TENM3: variants seen among roughly 807,000 people sequenced by gnomAD.
The protein encoded by TENM3 is teneurin-3.
TENM3 carries 63 observed loss-of-function variants against 255.1 expected under a neutral mutation model. The observed-to-expected ratio is 0.25, with a 90% CI of 0.20 to 0.30. The LOEUF (loss-of-function observed/expected upper bound fraction) is 0.30. Among genes scored for constraint, TENM3 ranks in the 10% least tolerant of loss-of-function variants. The pLI is 1.00. For synonymous variants in TENM3, 1,306 were observed against 1,322.3 expected, an observed-to-expected ratio of 0.99 and a Z score of 0.27; for missense variants, 2,929 against 3,461.1, an observed-to-expected ratio of 0.85 and a Z score of 3.86.
the TENM3 span, among the ~76,000 whole-genome samples, chr4:181,996,113 C>T: frequency 6.7e-6 from 1 of 149,522 alleles, no homozygotes; most frequent in South Asian, 2.1e-4. Flanking sequence ...TGATCAAGCA[C>T]CTAGGATAGT....
chr4:181,537,916 TG>T, the TENM3 span, among the ~76,000 whole-genome samples: 1 of 152,228 alleles, frequency 6.6e-6, no homozygotes, highest in Non-Finnish European at 1.5e-5. Flanking sequence ...AATGTAAAAC[TG>T]CTTGAAATAT....
chr4:182,558,760 T>C (rs933119300), intron 3 of TENM3, among the ~76,000 whole-genome samples: 3 of 152,202 alleles, frequency 2.0e-5, no homozygotes, highest in Admixed American at 6.5e-5. Context: ...TCAGATCCCT[T>C]GTCCTGATTT....
At chr4:182,416,904 T>G (rs1561424334) in intron 3 of TENM3, among the ~76,000 whole-genome samples, 1 of 152,234 alleles carries the variant, frequency 6.6e-6, no homozygotes, top group Non-Finnish European at 1.5e-5. Flanking sequence ...TGATGTTTTG[T>G]CATTCAGCAT....
intron 12 of TENM3, among the ~76,000 whole-genome samples, chr4:182,702,892 A>G (rs1343453651): frequency 6.7e-6 from 1 of 148,766 alleles, no homozygotes; most frequent in East Asian, 1.9e-4. Flanking sequence ...GCCCACCACC[A>G]TGCCCGGCTA....
chr4:181,757,160 T>A, the TENM3 span, among the ~76,000 whole-genome samples: 1 of 152,300 alleles, frequency 6.6e-6, no homozygotes, highest in African/African-American at 2.4e-5. Flanking sequence ...GAAAAAAAAT[T>A]ACTTTACACC....
intron 3 of TENM3, among the ~76,000 whole-genome samples, chr4:182,578,433 G>A (rs914465657): frequency 6.6e-6 from 1 of 151,974 alleles, no homozygotes; most frequent in African/African-American, 2.4e-5. Flanking sequence ...AGCTCTACAA[G>A]GGCAGAGGTT....
Position 182,551,823 on chromosome 4 carries a change from C to T in TENM3, c.512-49101C>T, listed in dbSNP as rs189880948. Among the ~76,000 whole-genome samples the T allele has an allele frequency of 3.3e-5, 5 of 152,082 alleles. No individual in the cohort carries two copies. The East Asian group carries it at 9.7e-4, about 29-fold the overall frequency. On this transcript the variant is annotated intron_variant, in intron 3 of 27. Coordinates refer to ENST00000511685, the MANE Select transcript of TENM3 (RefSeq NM_001080477.4). Reference sequence around the variant, plus strand: ...ATCGCTTGAGGCCAGGAGTTTGAGACCACCCTTGGCAGCATAGTGAGACCC... The same window carrying T: ...ATCGCTTGAGGCCAGGAGTTTGAGATCACCCTTGGCAGCATAGTGAGACCC...
the TENM3 span, among the ~76,000 whole-genome samples, chr4:182,068,461 T>A: frequency 6.6e-6 from 1 of 152,038 alleles, no homozygotes; most frequent in Non-Finnish European, 1.5e-5. Context: ...ACATTGCTAC[T>A]ACTAAGCAAT....
At chr4:182,299,211 T>G (rs1273007487) in intron 1 of TENM3, among the ~76,000 whole-genome samples, 19 of 151,896 alleles carry the variant, frequency 1.3e-4, no homozygotes, top group Non-Finnish European at 8.8e-5. Flanking sequence ...TAACATCCAC[T>G]TTGTTGAAAA....
At chr4:182,355,885 T>G (rs2150736094) in intron 3 of TENM3, among the ~76,000 whole-genome samples, 1 of 150,596 alleles carries the variant, frequency 6.6e-6, no homozygotes, top group South Asian at 2.1e-4. Context: ...CAAGTTTCAG[T>G]AATTTATTAG....
chr4:182,598,758 A>G lies in TENM3; in HGVS notation c.512-2166A>G, dbSNP rs558902064. Among the ~76,000 whole-genome samples, 14 of 152,294 alleles carry G rather than the reference A, an allele frequency of 9.2e-5. No individual in the cohort carries two copies. The South Asian group carries it at 2.7e-3, about 29-fold the overall frequency. ...GATGAATAAATGAATGAGTGGGTGC[A>G]TTTCACTGAATCCTTACAATTGCAC... On this transcript the variant is annotated intron_variant, in intron 3 of 27. Coordinates refer to ENST00000511685, the MANE Select transcript of TENM3 (RefSeq NM_001080477.4).
Position 182,789,530 on chromosome 4 carries a change from A to G in TENM3, c.5601+141A>G. 1 of 822,958 alleles carries G rather than the reference A, an allele frequency of 1.2e-6. No homozygotes were observed. The highest frequency in any genetic ancestry group is 1.9e-6 in the Non-Finnish European group (1 of 532,976). 51.0% of individuals were successfully genotyped at this position (822,958 alleles called of 1,614,324 possible). A position where few individuals can be genotyped will look rare whatever the true frequency, so the allele number is the denominator to read the frequency against. ...TTCGAAGTATCAATACGGAAGTCAC[A>G]TTGGCACAGCAGTGATGAATTTCTG... On this transcript the variant is annotated intron_variant, in intron 25 of 27. Coordinates refer to ENST00000511685, the MANE Select transcript of TENM3 (RefSeq NM_001080477.4). The surrounding 1 kb of genome is among the most constrained non-coding windows in gnomAD (Gnocchi z 4.4).
At chr4:182,299,335 A>G (rs1048415408) in intron 1 of TENM3, among the ~76,000 whole-genome samples, 2 of 152,222 alleles carry the variant, frequency 1.3e-5, no homozygotes, top group African/African-American at 4.8e-5. Flanking sequence ...AAGACTTTAC[A>G]AACAACTCTT....
chr4:182,793,850 C>T lies in TENM3; in HGVS notation c.7178C>T (p.Ala2393Val). Residue 2393 changes from alanine (A) to valine (V), a missense_variant, in exon 26 of 28, where the codon GCA becomes GTA. By Grantham distance (64) the Ala-to-Val change is moderately conservative. Coordinates refer to ENST00000511685, the MANE Select transcript of TENM3 (RefSeq NM_001080477.4). The surrounding 1 kb of genome is among the most constrained non-coding windows in gnomAD (Gnocchi z 5.7). Reference protein sequence around the residue: ...NLYMFRNNNPASKIHDVKDYI... With the variant: ...NLYMFRNNNPVSKIHDVKDYI... ...TACATGTTTAGGAATAACAACCCTG[C>T]AAGCAAAATCCATGACGTGAAAGAT... 2 of 1,611,412 alleles carry T rather than the reference C, an allele frequency of 1.2e-6. No individual in the cohort carries two copies.
At chr4:181,666,018 A>AT in the TENM3 span, among the ~76,000 whole-genome samples, 1 of 152,224 alleles carries the variant, frequency 6.6e-6, no homozygotes. Flanking sequence ...CTTAATCATG[A>AT]TTTTGCATTG....
At chr4:182,489,077 G>A (rs1196444914) in intron 3 of TENM3, among the ~76,000 whole-genome samples, 1 of 152,008 alleles carries the variant, frequency 6.6e-6, no homozygotes, top group African/African-American at 2.4e-5. Flanking sequence ...TGCTTTTCTG[G>A]ACATAAGATA....
chr4:182,775,956 T>A (rs922295442), intron 24 of TENM3, among the ~76,000 whole-genome samples: 8 of 151,034 alleles, frequency 5.3e-5, no homozygotes, highest in Admixed American at 4.6e-4. Context: ...GATATGTAGA[T>A]GATAGATAGA....
chr4:182,572,353 G>A (rs1744473087), intron 3 of TENM3, among the ~76,000 whole-genome samples: 1 of 152,132 alleles, frequency 6.6e-6, no homozygotes, highest in Admixed American at 6.5e-5. Flanking sequence ...TATCATATTG[G>A]TCTTTTCATC....
At chr4:182,744,945 GA>G (rs534395901) in intron 19 of TENM3, among the ~76,000 whole-genome samples, 5 of 149,728 alleles carry the variant, frequency 3.3e-5, no homozygotes, top group African/African-American at 4.9e-5. Flanking sequence ...GCTCGGGATA[GA>G]AAAAAAAAGG....
Sources: gnomAD v4.1 joint callset for allele counts (sites outside exome capture counted in the v4.1 genomes callset) on GRCh38, gnomAD v4.1.1 for gene constraint, Gnocchi (gnomAD v3.1) non-coding constraint, MANE v1.5 for transcripts, NCBI Gene and HGNC (gene_info 2026-07-23, HGNC 2026-07-21) for gene names.